Variants in RBFOX1 observed in about 807,000 individuals in gnomAD.
RBFOX1 encodes the protein RNA binding fox-1 homolog 1.
In RBFOX1, 8 loss-of-function variants were observed where a neutral mutation model predicts 57.7. The ratio of observed to expected loss-of-function variants is 0.14; its 90% CI spans 0.08 to 0.25. RBFOX1 has a LOEUF of 0.25. Ranked by LOEUF, RBFOX1 falls within the 10% of genes least tolerant of loss-of-function variation. The pLI is 1.00. For synonymous variants in RBFOX1, 326 were observed against 222.4 expected, an observed-to-expected ratio of 1.47 and a Z score of -4.15; for missense variants, 611 against 548.5, an observed-to-expected ratio of 1.11 and a Z score of -1.14.
At chr16:6,412,856 C>G (rs891232155) in intron 2 of RBFOX1, among the ~76,000 whole-genome samples, 1 of 152,134 alleles carries the variant, frequency 6.6e-6, no homozygotes, top group African/African-American at 2.4e-5. Context: ...GTTACTGGAG[C>G]GTGCACCTGG....
Position 6,915,017 on chromosome 16 carries a change from G to A in RBFOX1, c.-15-137040G>A, listed in dbSNP as rs569681947. ...CCAGGCAGCAAGCAGGCCCAGGGTG[G>A]TGTAAGTCGGCTTTGCTCATCCGTA... On this transcript the variant is annotated intron_variant, in intron 3 of 15. Coordinates refer to ENST00000550418, the MANE Select transcript of RBFOX1 (RefSeq NM_018723.4). 3.0e-3 allele frequency among the ~76,000 whole-genome samples: 462 copies of A among 152,352 alleles called. 1 individual carries two copies. The highest frequency in any genetic ancestry group is 5.5e-3 in the Non-Finnish European group (372 of 68,046).
intron 4 of RBFOX1, among the ~76,000 whole-genome samples, chr16:6,000,592 G>T (rs1384601217): frequency 6.6e-6 from 1 of 152,048 alleles, no homozygotes; most frequent in Non-Finnish European, 1.5e-5. Context: ...CTAGAACAGT[G>T]CCAGGAAATA....
chr16:7,159,258 T>C (rs1567507942), intron 4 of RBFOX1, among the ~76,000 whole-genome samples: 1 of 151,202 alleles, frequency 6.6e-6, no homozygotes, highest in Non-Finnish European at 1.5e-5. Flanking sequence ...AGAATCTTTT[T>C]TCAGTAGACA....
At chr16:6,698,346 G>T (rs2154139235) in intron 3 of RBFOX1, among the ~76,000 whole-genome samples, 1 of 152,264 alleles carries the variant, frequency 6.6e-6, no homozygotes, top group East Asian at 1.9e-4. Context: ...AGTCTGCATT[G>T]ATCTTCAAGT....
At chr16:6,420,685 T>A (rs1246031667) in intron 2 of RBFOX1, among the ~76,000 whole-genome samples, 1 of 152,218 alleles carries the variant, frequency 6.6e-6, no homozygotes, top group East Asian at 1.9e-4. Context: ...AGTTCCCAGC[T>A]TGTGCTACTA....
At chr16:6,708,049 C>T (rs988263103) in intron 3 of RBFOX1, among the ~76,000 whole-genome samples, 1 of 152,142 alleles carries the variant, frequency 6.6e-6, no homozygotes, top group South Asian at 2.1e-4. Context: ...TTTCCATCGT[C>T]TTTCCCCTGG....
chr16:6,770,132 C>T (rs529084722), intron 3 of RBFOX1, among the ~76,000 whole-genome samples: 1 of 152,262 alleles, frequency 6.6e-6, no homozygotes, highest in East Asian at 1.9e-4. Flanking sequence ...AGCAGAAAGG[C>T]AGCTTAGTAT....
At chr16:7,427,218 A>G (rs934910269) in intron 4 of RBFOX1, among the ~76,000 whole-genome samples, 1 of 152,210 alleles carries the variant, frequency 6.6e-6, no homozygotes, top group African/African-American at 2.4e-5. Flanking sequence ...TACATATGTA[A>G]CAAACCTGCA....
At chr16:5,794,978 G>C (rs1173731271) in intron 3 of RBFOX1, among the ~76,000 whole-genome samples, 1 of 152,170 alleles carries the variant, frequency 6.6e-6, no homozygotes, top group East Asian at 1.9e-4. Context: ...GTCTTGAGAA[G>C]GAGTCACATT....
chr16:6,985,232 G>C (rs2089983106), intron 3 of RBFOX1, among the ~76,000 whole-genome samples: 1 of 148,496 alleles, frequency 6.7e-6, no homozygotes, highest in African/African-American at 2.5e-5. Flanking sequence ...CTGGCCTCTT[G>C]TCTTTTCTGG....
At chr16:6,282,641 G>C (rs567071188) in intron 1 of RBFOX1, among the ~76,000 whole-genome samples, 2 of 151,974 alleles carry the variant, frequency 1.3e-5, no homozygotes, top group African/African-American at 4.8e-5. Context: ...GTGGTGTTTC[G>C]TTTTCTGTTC....
chr16:6,915,573 C>T (rs12443756), intron 3 of RBFOX1, among the ~76,000 whole-genome samples: 9,951 of 129,202 alleles, frequency 0.077, 513 homozygotes, highest in Middle Eastern at 0.14. Context: ...TTTTTTGACA[C>T]AGTGTCTTGC....
chr16:5,546,884 G>C (rs1197635794), intron 2 of RBFOX1, among the ~76,000 whole-genome samples: 1 of 152,134 alleles, frequency 6.6e-6, no homozygotes, highest in Non-Finnish European at 1.5e-5. Context: ...TGTGTAGAAT[G>C]GGTAAAGAAC....
chr16:6,188,187 A>G (rs1230752324), intron 1 of RBFOX1, among the ~76,000 whole-genome samples: 5 of 152,164 alleles, frequency 3.3e-5, no homozygotes, highest in African/African-American at 1.2e-4. Context: ...TCCATATATA[A>G]GTAAGCCTGT....
chr16:6,680,233 T>G (rs536523093), intron 3 of RBFOX1, among the ~76,000 whole-genome samples: 1 of 151,894 alleles, frequency 6.6e-6, no homozygotes, highest in Admixed American at 6.6e-5. Flanking sequence ...CAATTTTTAC[T>G]ATGAGTATGA....
At chr16:5,313,906 G>A (rs2064160102) in intron 1 of RBFOX1, among the ~76,000 whole-genome samples, 1 of 152,098 alleles carries the variant, frequency 6.6e-6, no homozygotes, top group African/African-American at 2.4e-5. Flanking sequence ...GTGGGTGGGT[G>A]GGTGGTGATA....
chr16:7,118,747 G>C (rs749627693), intron 4 of RBFOX1, among the ~76,000 whole-genome samples: 3 of 152,060 alleles, frequency 2.0e-5, no homozygotes, highest in African/African-American at 4.8e-5. Flanking sequence ...AATCCTCAAG[G>C]ATGCACACCA....
intron 4 of RBFOX1, among the ~76,000 whole-genome samples, chr16:7,301,933 T>C (rs113042537): frequency 7.9e-5 from 12 of 152,200 alleles, no homozygotes; most frequent in African/African-American, 2.6e-4. Context: ...TAAAGGCAGG[T>C]AGGAAGTAAG....
rs967812163 is a variant in RBFOX1, at chr16:5,946,828, C to G, written c.351+79493C>G. On this transcript the variant is annotated intron_variant, in intron 4 of 19. Coordinates refer to the RBFOX1 transcript ENST00000641259. This position sits in a 1 kb window ranked among gnomAD's most constrained non-coding sequence, Gnocchi z 4.6. ...CTGTAGGACACCCAGTTGGTGATGG[C>G]AGAGATTTGGAGCATTGCTTGGTGT... is the stretch of plus-strand genomic sequence containing the variant. Among the ~76,000 whole-genome samples the G allele has an allele frequency of 6.6e-5, 10 of 152,106 alleles. No homozygotes were observed. Among genetic ancestry groups the G allele is most frequent in the African/African-American group, 1.9e-4 (8 of 41,412 alleles).
Sources: allele counts gnomAD v4.1 joint callset (sites outside exome capture counted in the v4.1 genomes callset), GRCh38; gene constraint gnomAD v4.1.1; non-coding constraint Gnocchi (gnomAD v3.1); transcripts MANE v1.5; gene names NCBI Gene and HGNC (gene_info 2026-07-23, HGNC 2026-07-21).